The following CTNNA3 variants were observed in gnomAD, a reference collection of about 807,000 sequenced individuals.
CTNNA3 encodes the protein catenin alpha-3.
A neutral mutation model predicts 95.7 loss-of-function variants in CTNNA3; 76 were observed. That is an observed-to-expected ratio of 0.79 (90% CI 0.66 to 0.96). CTNNA3 has a LOEUF of 0.96. Among genes scored for constraint, CTNNA3 ranks in the 40% least tolerant of loss-of-function variants. The pLI is 0.00. For synonymous variants in CTNNA3, 431 were observed against 374.4 expected (o/e 1.15, Z -1.74); for missense variants, 1,191 against 1,089.8 (o/e 1.09, Z -1.31).
At chr10:66,304,500 G>A (rs1234819229) in intron 12 of CTNNA3, among the ~76,000 whole-genome samples, 2 of 152,104 alleles carry the variant, frequency 1.3e-5, no homozygotes, top group Non-Finnish European at 2.9e-5. Context: ...AAAAGAGGAT[G>A]AGAATGAACA....
At chr10:66,805,195 A>C (rs986331125) in intron 7 of CTNNA3, among the ~76,000 whole-genome samples, 1 of 151,920 alleles carries the variant, frequency 6.6e-6, no homozygotes, top group Non-Finnish European at 1.5e-5. Context: ...GGATTCTTCT[A>C]ATCTTTGTCA....
At chr10:66,074,591 G>A (rs766104318) in intron 14 of CTNNA3, among the ~76,000 whole-genome samples, 1 of 151,778 alleles carries the variant, frequency 6.6e-6, no homozygotes, top group Non-Finnish European at 1.5e-5. Flanking sequence ...CATATTTCCA[G>A]GCCAGACTCA....
At chr10:67,352,794 C>T (rs941078114) in intron 5 of CTNNA3, among the ~76,000 whole-genome samples, 6 of 152,000 alleles carry the variant, frequency 3.9e-5, no homozygotes, top group African/African-American at 1.4e-4. Flanking sequence ...AAACTACTAG[C>T]CCTAACAGAG....
intron 11 of CTNNA3, among the ~76,000 whole-genome samples, chr10:66,389,138 C>G (rs1194301518): frequency 6.6e-6 from 1 of 152,054 alleles, no homozygotes; most frequent in Non-Finnish European, 1.5e-5. Flanking sequence ...TGTTGAATCT[C>G]TTTAGACTTT....
intron 14 of CTNNA3, among the ~76,000 whole-genome samples, chr10:66,102,472 G>C (rs986068734): frequency 2.0e-5 from 3 of 152,152 alleles, no homozygotes; most frequent in African/African-American, 7.2e-5. Context: ...ACTCCAGAAG[G>C]AGGTGGCAGA....
intron 12 of CTNNA3, among the ~76,000 whole-genome samples, chr10:66,286,815 G>T (rs2091596691): frequency 1.3e-5 from 2 of 152,000 alleles, no homozygotes; most frequent in Non-Finnish European, 2.9e-5. Context: ...TCTTTGCACA[G>T]TTGTCTATAA....
At chr10:67,625,176 G>A (rs1838913789) in intron 2 of CTNNA3, among the ~76,000 whole-genome samples, 1 of 152,142 alleles carries the variant, frequency 6.6e-6, no homozygotes. Flanking sequence ...TCTCAGCAAA[G>A]TTTTTCTTAA....
chr10:67,359,129 G>A (rs1019590204), intron 5 of CTNNA3, among the ~76,000 whole-genome samples: 4 of 151,348 alleles, frequency 2.6e-5, no homozygotes, highest in Non-Finnish European at 5.9e-5. Flanking sequence ...CCCATACAGA[G>A]CCTTGGTTCT....
chr10:66,696,400 C>A (rs185293457), intron 9 of CTNNA3, among the ~76,000 whole-genome samples: 55 of 152,238 alleles, frequency 3.6e-4, no homozygotes, highest in African/African-American at 1.3e-3. Context: ...TTTAAACCTT[C>A]AAGCTGGCAA....
At chr10:67,220,200 G>A (rs1864587041) in intron 5 of CTNNA3, among the ~76,000 whole-genome samples, 1 of 152,156 alleles carries the variant, frequency 6.6e-6, no homozygotes, top group African/African-American at 2.4e-5. Flanking sequence ...TGCATTACAT[G>A]GGAGCTTGAA....
At chr10:66,599,271 C>A (rs1050687290) in intron 10 of CTNNA3, among the ~76,000 whole-genome samples, 19 of 152,130 alleles carry the variant, frequency 1.2e-4, no homozygotes, top group Middle Eastern at 3.4e-3. Flanking sequence ...GTATATTCCA[C>A]TCAGAGAGGC....
intron 17 of CTNNA3, among the ~76,000 whole-genome samples, chr10:65,934,387 G>C (rs2077304025): frequency 6.6e-6 from 1 of 152,026 alleles, no homozygotes; most frequent in Non-Finnish European, 1.5e-5. Flanking sequence ...TCCTTGCTCT[G>C]GATATTCATG....
chr10:66,338,345 G>A (rs555861154), intron 12 of CTNNA3, among the ~76,000 whole-genome samples: 1 of 152,126 alleles, frequency 6.6e-6, no homozygotes, highest in East Asian at 1.9e-4. Flanking sequence ...TTGTGGTCAT[G>A]AAAATGCTCA....
intron 10 of CTNNA3, among the ~76,000 whole-genome samples, chr10:66,566,712 C>T (rs1024508860): frequency 6.6e-6 from 1 of 151,970 alleles, no homozygotes; most frequent in African/African-American, 2.4e-5. Context: ...TCCTGTGACT[C>T]CTGAGTAGGA....
At chr10:67,260,977 G>A (rs545623632) in intron 5 of CTNNA3, among the ~76,000 whole-genome samples, 87 of 152,242 alleles carry the variant, frequency 5.7e-4, no homozygotes, top group Non-Finnish European at 7.5e-4. Flanking sequence ...GAGCCACCAC[G>A]CCCAGCGACT....
chr10:67,692,141 A>G (rs1468599047), intron 1 of CTNNA3, among the ~76,000 whole-genome samples: 3 of 150,950 alleles, frequency 2.0e-5, no homozygotes, highest in African/African-American at 7.3e-5. Flanking sequence ...CTGCCCGGCC[A>G]GCCGCCCCCT....
intron 11 of CTNNA3, among the ~76,000 whole-genome samples, chr10:66,386,766 A>G (rs1291154852): frequency 6.6e-6 from 1 of 152,224 alleles, no homozygotes; most frequent in Non-Finnish European, 1.5e-5. Context: ...CCAATGGAAC[A>G]GAACAGAGGC....
At chr10:67,589,522 C>T (rs1842732312) in intron 3 of CTNNA3, among the ~76,000 whole-genome samples, 2 of 152,144 alleles carry the variant, frequency 1.3e-5, no homozygotes, top group African/African-American at 2.4e-5. Flanking sequence ...CACTGTTATA[C>T]TGACTAATCA....
chr10:66,453,820 T>G (rs1418818790), intron 11 of CTNNA3, among the ~76,000 whole-genome samples: 1 of 152,180 alleles, frequency 6.6e-6, no homozygotes, highest in Non-Finnish European at 1.5e-5. Flanking sequence ...AAACAAAGCC[T>G]CTTAATATAA....
Sources: gnomAD v4.1 joint callset for allele counts (sites outside exome capture counted in the v4.1 genomes callset) on GRCh38, gnomAD v4.1.1 for gene constraint, MANE v1.5 for transcripts, NCBI Gene and HGNC (gene_info 2026-07-23, HGNC 2026-07-21) for gene names.